HAUS3: variants seen among roughly 807,000 people sequenced by gnomAD.
The protein encoded by HAUS3 is HAUS augmin-like complex subunit 3.
HAUS3 carries 36 observed loss-of-function variants against 55.2 expected under a neutral mutation model. The observed-to-expected ratio is 0.65, with a 90% CI of 0.50 to 0.86. The LOEUF is 0.86. Among genes scored for constraint, HAUS3 ranks in the 40% least tolerant of loss-of-function variants. The probability of loss-of-function intolerance (pLI) is 0.00; values close to 1 mark genes in which losing one functional copy is unlikely to be tolerated. For synonymous variants in HAUS3, 234 were observed against 238.6 expected (o/e 0.98, Z 0.18); for missense variants, 752 against 671.5 (o/e 1.12, Z -1.33).
chr4:2,240,616 T>G lies in HAUS3; in HGVS notation c.331A>C (p.Lys111Gln). 1.9e-6 allele frequency: 3 copies of G among 1,613,212 alleles called. No homozygotes were observed. Among genetic ancestry groups the G allele is most frequent in the Non-Finnish European group, 2.5e-6 (3 of 1,179,848 alleles). Residue 111 changes from lysine (K) to glutamine (Q), a missense_variant, in exon 3 of 6, where the codon AAA (lysine) becomes CAA (glutamine). Lys to Gln is a moderately conservative substitution (Grantham distance 53). Transcript: ENST00000443786. ...KLEDEVQTLL[K>Q]LKNLKIQRRN... ...CGCTGAATTTTTAGGTTCTTTAATT[T>G]CAGTAGAGTTTGAACCTCATCCTCT...
chr4:2,240,466 T>C lies in HAUS3; in HGVS notation c.481A>G (p.Lys161Glu). Residue 161 changes from lysine to glutamate, a missense_variant, in exon 3 of 6, where the codon AAG becomes GAG. Transcript: ENST00000443786. ...AGAGCCTGAAGTTCATTACTGATCT[T>C]AGTGATCATTGCATTTAGAATTCCT... ...SQGILNAMIT[K>E]ISNELQALTD... is the part of the protein sequence containing the mutation. The C allele has an allele frequency of 6.2e-7, 1 of 1,613,890 alleles. No individual in the cohort carries two copies. The highest frequency in any genetic ancestry group is 8.5e-7 in the Non-Finnish European group (1 of 1,179,912).
Position 2,229,034 on chromosome 4 carries a change from T to C in HAUS3, c.*2893A>G, listed in dbSNP as rs2108773785. On this transcript the variant is annotated 3_prime_UTR_variant, in exon 6 of 6. Transcript: ENST00000443786. ...TCTACATGCATTCCATTTTCAATTC[T>C]TAGTCTTTAGAACAATTAACATTCA... 1 of 1,464,852 alleles carries C rather than the reference T, an allele frequency of 6.8e-7. No homozygotes were observed. The highest frequency in any genetic ancestry group is 9.3e-7 in the Non-Finnish European group (1 of 1,073,374). The allele number at this position is 1,464,852 out of a possible 1,614,324, so 90.7% of individuals were successfully genotyped here.
At chr4:2,241,390 A>T in intron 2 of HAUS3, 130 bp downstream of exon 2, 2 of 563,372 alleles carry the variant, frequency 3.6e-6, no homozygotes, top group Non-Finnish European at 4.5e-6. Context: ...ATTTGTTTTT[A>T]ATTCAAAATA....
At position 2,232,006 on chromosome 4, in the gene HAUS3, T is replaced by A. The variant is rs1232943043; in HGVS notation, c.1733A>T (p.Lys578Ile). 6.6e-7 allele frequency: 1 copy of A among 1,508,860 alleles called. No homozygotes were observed. The highest frequency in any genetic ancestry group is 9.2e-7 in the Non-Finnish European group (1 of 1,091,330). The allele number at this position is 1,508,860 out of a possible 1,614,324, so 93.5% of individuals were successfully genotyped here. ...AATATCTTTCAGATAATCTTCATCT[T>A]TTAAAAAATATACATAGAATTCTCT... ...MEREFYVYFL[K>I]DEDYLKDIVE... The change falls in exon 6 of 6, where the codon AAA becomes ATA. Residue 578 changes from lysine to isoleucine, a missense_variant. By Grantham distance (102) the Lys-to-Ile change is moderately radical (BLOSUM62 -3). Transcript: ENST00000443786.
chr4:2,241,953 C>A, intron 1 of HAUS3, 98 bp downstream of exon 1: 1 of 985,428 alleles, frequency 1.0e-6, no homozygotes, highest in Non-Finnish European at 1.2e-6. Context: ...CCCCCAGGAG[C>A]GCAGGAAAAA....
intron 5 of HAUS3, among the ~76,000 whole-genome samples, chr4:2,233,709 T>G (rs1215803248): frequency 6.6e-6 from 1 of 152,226 alleles, no homozygotes; most frequent in Non-Finnish European, 1.5e-5. Context: ...AATCTATGTC[T>G]ACCTACATCT....
rs750022513 is a variant in HAUS3 at position 2,236,500 on chromosome 4, A to G, written c.1350-44T>C. 1.3e-5 allele frequency: 18 copies of G among 1,371,336 alleles called. No individual in the cohort carries two copies. The Admixed American group carries it at 3.1e-4, about 24-fold the overall frequency. The allele number at this position is 1,371,336 out of a possible 1,614,324, so 84.9% of individuals were successfully genotyped here. ...AATTATAGGGAAAAATTATCAAGTC[A>G]GTATCATTTTCAAAATTACAATCCA... On this transcript the variant is annotated intron_variant, in intron 4 of 5. Coordinates refer to ENST00000443786, the MANE Select transcript of HAUS3 (RefSeq NM_001303143.2).
Position 2,230,730 on chromosome 4 carries a change from G to A in HAUS3, c.*1197C>T, listed in dbSNP as rs1055522066. The A allele has an allele frequency of 2.0e-5, 3 of 151,816 alleles. No homozygotes were observed. Among genetic ancestry groups the A allele is most frequent in the Non-Finnish European group, 2.9e-5 (2 of 68,002 alleles). The allele number at this position is 151,816 out of a possible 1,614,324, so 9.4% of individuals were successfully genotyped here. On this transcript the variant is annotated 3_prime_UTR_variant, in exon 6 of 6. Coordinates refer to ENST00000443786, the MANE Select transcript of HAUS3 (RefSeq NM_001303143.2). The stretch of plus-strand genomic sequence containing the variant: ...TTTTTAGATTGGCATTCCATATTAC[G>A]AACAGGTGAGGAATATTCTTAAAGG...
chr4:2,238,829 T>C lies in HAUS3; in HGVS notation c.1124A>G (p.Asn375Ser). The C allele has an allele frequency of 6.2e-7, 1 of 1,613,074 alleles. No individual in the cohort carries two copies. The highest frequency in any genetic ancestry group is 8.5e-7 in the Non-Finnish European group (1 of 1,179,250). Residue 375 changes from asparagine (N) to serine (S), a missense_variant, in exon 4 of 6, where the codon AAT becomes AGT. By Grantham distance (46) the Asn-to-Ser change is conservative. Transcript: ENST00000443786. ...YYTARQELVLNQLIKQKASFE... is the reference protein window; with the variant it reads ...YYTARQELVLSQLIKQKASFE... ...TGATGCCTTTTGTTTTATTAATTGA[T>C]TTAAAACTAACTCTTGTCTTGCTGT... is the stretch of plus-strand genomic sequence containing the variant.
intron 5 of HAUS3, among the ~76,000 whole-genome samples, chr4:2,232,551 TTC>T (rs1308545628): frequency 4.6e-5 from 7 of 152,210 alleles, no homozygotes; most frequent in African/African-American, 1.7e-4. Flanking sequence ...TTTTAGCCTA[TTC>T]TCTGTTTATT....
chr4:2,229,062 G>C lies in HAUS3; in HGVS notation c.*2865C>G, dbSNP rs1734484718. ...GTCTTTAGAACAATTAACATTCAAA[G>C]TATCAAGAGAAAGAAAGGTTCATAA... On this transcript the variant is annotated 3_prime_UTR_variant, in exon 6 of 6. Transcript: ENST00000443786. The C allele has an allele frequency of 1.3e-6, 2 of 1,540,628 alleles. No individual in the cohort carries two copies. Among genetic ancestry groups the C allele is most frequent in the Non-Finnish European group, 1.8e-6 (2 of 1,127,280 alleles).
At chr4:2,239,801 T>C (rs1416179103) in intron 3 of HAUS3, among the ~76,000 whole-genome samples, 2 of 152,252 alleles carry the variant, frequency 1.3e-5, no homozygotes, top group African/African-American at 4.8e-5. Flanking sequence ...AAAGCACTTT[T>C]GTTTAAAATA....
chr4:2,230,917 A>AT lies in HAUS3; in HGVS notation c.*1009dup, dbSNP rs1734557387. 1 of 152,220 alleles carries AT rather than the reference A, an allele frequency of 6.6e-6. No homozygotes were observed. Among genetic ancestry groups the AT allele is most frequent in the African/African-American group, 2.4e-5 (1 of 41,450 alleles). 9.4% of individuals were successfully genotyped at this position (152,220 alleles called of 1,614,324 possible). ...ATACCATTGTTAAATACAATTAGACATTTTTGCTCTTAAACTGATTAAAAT... is the reference window on the plus strand; with the variant it reads ...ATACCATTGTTAAATACAATTAGACATTTTTTGCTCTTAAACTGATTAAAAT... On this transcript the variant is annotated 3_prime_UTR_variant, in exon 6 of 6. Coordinates refer to ENST00000443786, the MANE Select transcript of HAUS3 (RefSeq NM_001303143.2).
In HAUS3 at chr4:2,240,880, T is replaced by G; in HGVS notation, c.67A>C (p.Asn23His). 1 of 1,609,932 alleles carries G rather than the reference T, an allele frequency of 6.2e-7. No homozygotes were observed. Among genetic ancestry groups the G allele is most frequent in the Non-Finnish European group, 8.5e-7 (1 of 1,179,560 alleles). Residue 23 changes from asparagine (N) to histidine (H), a missense_variant, in exon 3 of 6, where the codon AAT becomes CAT. Asn to His is a moderately conservative substitution (Grantham distance 68, BLOSUM62 1). Transcript: ENST00000443786. Reference sequence around the variant, plus strand: ...AACAACCAGTCAAAGTCTTCTCCATTAAGATTATCAGCTTTGGGATAACCA... The same window carrying G: ...AACAACCAGTCAAAGTCTTCTCCATGAAGATTATCAGCTTTGGGATAACCA... ...KIGYPKADNLNGEDFDWLFEG... is the reference protein window; with the variant it reads ...KIGYPKADNLHGEDFDWLFEG...
intron 5 of HAUS3, among the ~76,000 whole-genome samples, chr4:2,233,585 T>C (rs1734657226): frequency 6.6e-6 from 1 of 152,090 alleles, no homozygotes; most frequent in Non-Finnish European, 1.5e-5. Flanking sequence ...CAACTCTGAG[T>C]CAAAAAATAA....
rs763377769 is a variant in HAUS3, at chr4:2,240,937, C to A, written c.10G>T (p.Gly4Ter). The A allele has an allele frequency of 6.3e-7, 1 of 1,594,828 alleles. No individual in the cohort carries two copies. Among genetic ancestry groups the A allele is most frequent in the South Asian group, 1.1e-5 (1 of 89,372 alleles). ...TTTAATGTTTCCACAAACTCATTTC[C>A]ACAACTCATGGTTTTAACTACCCCA... MSC[G>*]NEFVETLKKI... The change falls in exon 3 of 6, where the codon GGA becomes TGA. Residue 4 changes from glycine to a stop codon, truncating the protein, a stop_gained. Coordinates refer to ENST00000443786, the MANE Select transcript of HAUS3 (RefSeq NM_001303143.2). LOFTEE classifies it high-confidence loss of function.
chr4:2,239,292 A>T (rs1201783147), intron 3 of HAUS3, among the ~76,000 whole-genome samples: 2 of 152,200 alleles, frequency 1.3e-5, no homozygotes, highest in East Asian at 3.8e-4. Context: ...TAGAGATCTT[A>T]TTATACTTCT....
intron 1 of HAUS3, 62 bp from the exon 2 acceptor site, chr4:2,241,852 G>T (rs1261581584): frequency 3.0e-6 from 3 of 985,442 alleles, no homozygotes; most frequent in African/African-American, 1.7e-5. Flanking sequence ...AGAAGACGGG[G>T]GTGACAGGCC....
At position 2,229,448 on chromosome 4, in the gene HAUS3, A is replaced by G; in HGVS notation, c.*2479T>C. ...GCTAGAGGCTTAATCCAGGTATCATAGTAAATAGATAACTTATTTTCTAGG... is the reference window on the plus strand; with the variant it reads ...GCTAGAGGCTTAATCCAGGTATCATGGTAAATAGATAACTTATTTTCTAGG... On this transcript the variant is annotated 3_prime_UTR_variant, in exon 6 of 6. Coordinates refer to ENST00000443786, the MANE Select transcript of HAUS3 (RefSeq NM_001303143.2). The G allele has an allele frequency of 7.5e-6, 3 of 399,722 alleles. No individual in the cohort carries two copies. The highest frequency in any genetic ancestry group is 5.1e-5 in the South Asian group (1 of 19,438). 24.8% of individuals were successfully genotyped at this position (399,722 alleles called of 1,614,324 possible). A position where few individuals can be genotyped will look rare whatever the true frequency, so the allele number is the denominator to read the frequency against.
Sources: allele counts gnomAD v4.1 joint callset (sites outside exome capture counted in the v4.1 genomes callset), GRCh38; gene constraint gnomAD v4.1.1; transcripts MANE v1.5; gene names NCBI Gene and HGNC (gene_info 2026-07-23, HGNC 2026-07-21).